Variants in PACS2 observed in about 807,000 individuals in gnomAD.
The protein encoded by PACS2 is phosphofurin acidic cluster sorting protein 2.
PACS2 carries 36 observed loss-of-function variants against 113.0 expected under a neutral mutation model. The observed-to-expected ratio is 0.32, with a 90% CI of 0.24 to 0.42. PACS2 has a LOEUF of 0.42. Ranked by LOEUF, PACS2 falls within the 10% of genes least tolerant of loss-of-function variation. The pLI, the probability that PACS2 is intolerant of heterozygous loss-of-function variation, is 1.00. For synonymous variants in PACS2, 589 were observed against 536.1 expected (o/e 1.10, Z -1.36); for missense variants, 1,015 against 1,239.5 (o/e 0.82, Z 2.72).
rs1317637168 is a variant in PACS2 at position 105,315,402 on chromosome 14, A to T, written c.119+365A>T. ...GACGAGGGTGCTTCCTCTCTCGGGT[A>T]CCACACGCTTCCTTTCGCGTTCGGC... is the stretch of plus-strand genomic sequence containing the variant. On this transcript the variant is annotated intron_variant, in intron 1 of 24. Transcript: ENST00000447393. This position sits in a 1 kb window ranked among gnomAD's most constrained non-coding sequence, Gnocchi z 4.4. The T allele has an allele frequency of 6.6e-6, 1 of 152,208 alleles. No individual in the cohort carries two copies. The highest frequency in any genetic ancestry group is 1.9e-4 in the East Asian group (1 of 5,178). 9.4% of individuals were successfully genotyped at this position (152,208 alleles called of 1,614,324 possible). A position where few individuals can be genotyped will look rare whatever the true frequency, so the allele number is the denominator to read the frequency against.
intron 1 of PACS2, among the ~76,000 whole-genome samples, chr14:105,338,737 C>T (rs147955361): frequency 9.6e-4 from 147 of 152,338 alleles, no homozygotes; most frequent in African/African-American, 3.4e-3. Flanking sequence ...AGCAGTGCCC[C>T]ATGCCACTGG....
At chr14:105,391,857 T>C in intron 22 of PACS2, 91 bp downstream of exon 22, 1 of 1,314,164 alleles carries the variant, frequency 7.6e-7, no homozygotes, top group Non-Finnish European at 1.0e-6. Context: ...CACATCCACC[T>C]CCCAGGGCAC....
chr14:105,325,218 C>T (rs1355971228), intron 1 of PACS2, among the ~76,000 whole-genome samples: 2 of 13,546 alleles, frequency 1.5e-4, no homozygotes, highest in Non-Finnish European at 2.9e-4. Flanking sequence ...TGCTGTGGCT[C>T]GGGGTGGGGT....
At chr14:105,392,018 GTC>G (rs1419309945) in intron 22 of PACS2, 5 of 537,110 alleles carry the variant, frequency 9.3e-6, no homozygotes, top group Non-Finnish European at 1.3e-5. Context: ...GTGCTGGGCT[GTC>G]TCTCAGCTCT....
At chr14:105,389,486 C>T (rs1219981194) in intron 19 of PACS2, 1 of 178,658 alleles carries the variant, frequency 5.6e-6, no homozygotes, top group African/African-American at 2.3e-5. Context: ...GGCTTTGGTG[C>T]TGCTGATTAC....
intron 12 of PACS2, among the ~76,000 whole-genome samples, chr14:105,381,311 C>G (rs2080986486): frequency 6.6e-6 from 1 of 152,210 alleles, no homozygotes; most frequent in South Asian, 2.1e-4. Flanking sequence ...AGATTCCACC[C>G]TACCTGTTTG....
intron 18 of PACS2, 103 bp downstream of exon 18, chr14:105,385,090 G>A (rs2081129918): frequency 3.9e-6 from 3 of 766,016 alleles, no homozygotes; most frequent in South Asian, 1.6e-5. Flanking sequence ...GGGCCGCAGA[G>A]CCCTGCACCG....
chr14:105,371,853 G>C (rs1555409455), intron 8 of PACS2: 1 of 152,258 alleles, frequency 6.6e-6, no homozygotes, highest in East Asian at 1.9e-4. Flanking sequence ...CAAGATCAAG[G>C]TGCCAGTAGA....
At chr14:105,344,535 A>G (rs1328115183) in intron 1 of PACS2, among the ~76,000 whole-genome samples, 1 of 152,222 alleles carries the variant, frequency 6.6e-6, no homozygotes, top group African/African-American at 2.4e-5. Flanking sequence ...GGTACATTTT[A>G]TCAAAGTAGT....
chr14:105,367,897 A>G (rs915589260), intron 5 of PACS2, among the ~76,000 whole-genome samples, 177 bp from the exon 6 acceptor site: 2 of 151,296 alleles, frequency 1.3e-5, no homozygotes, highest in Non-Finnish European at 3.0e-5. Flanking sequence ...TTGCCAGTGG[A>G]CTTGGGGGAC....
chr14:105,389,994 C>G lies in PACS2; in HGVS notation c.2067C>G (p.Pro689=). ...PDEESSQKFI[P]FVGVVKVGIV... Reference sequence around the variant, plus strand: ...AAGAGTCCTCCCAAAAGTTCATTCCCTTTGTCGGGGTGAGTACTGGCCAGC... The same window carrying G: ...AAGAGTCCTCCCAAAAGTTCATTCCGTTTGTCGGGGTGAGTACTGGCCAGC... Residue 689 remains proline (P), a synonymous_variant, in exon 20 of 25, where the codon CCC becomes CCG. Transcript: ENST00000447393. The G allele has an allele frequency of 6.2e-7, 1 of 1,613,948 alleles. No individual in the cohort carries two copies. Among genetic ancestry groups the G allele is most frequent in the Non-Finnish European group, 8.5e-7 (1 of 1,179,864 alleles).
rs952392535 is a variant in PACS2, at chr14:105,348,278, G to A, written c.120-215G>A. ...CTTCAGGAGATGGGACCTCTGGCCCGGCAGCCAACGGATGCTGAGGGGTGC... is the reference window on the plus strand; with the variant it reads ...CTTCAGGAGATGGGACCTCTGGCCCAGCAGCCAACGGATGCTGAGGGGTGC... On this transcript the variant is annotated intron_variant, in intron 1 of 24. Coordinates refer to ENST00000447393, the MANE Select transcript of PACS2 (RefSeq NM_001100913.3). The surrounding 1 kb of genome is among the most constrained non-coding windows in gnomAD (Gnocchi z 6.4). Among the ~76,000 whole-genome samples the A allele has an allele frequency of 3.3e-5, 5 of 152,286 alleles. No homozygotes were observed. The highest frequency in any genetic ancestry group is 4.8e-5 in the African/African-American group (2 of 41,564).
At chr14:105,378,629 G>A (rs1026339695) in intron 9 of PACS2, among the ~76,000 whole-genome samples, 2 of 152,192 alleles carry the variant, frequency 1.3e-5, no homozygotes, top group African/African-American at 2.4e-5. Context: ...GGCTGGTCTC[G>A]AACTGAGCTC....
intron 19 of PACS2, among the ~76,000 whole-genome samples, chr14:105,388,145 T>G (rs1458800197): frequency 6.6e-6 from 1 of 152,162 alleles, no homozygotes; most frequent in African/African-American, 2.4e-5. Flanking sequence ...TGGGGCATCT[T>G]TAATGGGATG....
At position 105,385,585 on chromosome 14, in the gene PACS2, C is replaced by A; in HGVS notation, c.2001-100C>A. The A allele has an allele frequency of 4.2e-6, 3 of 707,100 alleles. No homozygotes were observed. The South Asian group carries it at 6.2e-5, about 15-fold the overall frequency. The allele number at this position is 707,100 out of a possible 1,614,324, so 43.8% of individuals were successfully genotyped here. A position where few individuals can be genotyped will look rare whatever the true frequency, so the allele number is the denominator to read the frequency against. Reference sequence around the variant, plus strand: ...TCACGGGCTCTCCCACGCAGGAGCCCCAGTGAGATGGGAGCCACTGAGTGC... The same window carrying A: ...TCACGGGCTCTCCCACGCAGGAGCCACAGTGAGATGGGAGCCACTGAGTGC... On this transcript the variant is annotated intron_variant, in intron 18 of 24. Transcript: ENST00000447393.
rs150829260 is a variant in PACS2 at position 105,354,355 on chromosome 14, G to A, written c.298-697G>A. Among the ~76,000 whole-genome samples the A allele has an allele frequency of 2.7e-3, 409 of 152,078 alleles. 1 individual carries two copies. Among genetic ancestry groups the A allele is most frequent in the Non-Finnish European group, 4.3e-3 (295 of 68,008 alleles). ...TACCTCAGGTGATCCGCCCAGCTTG[G>A]CCTCCCAAAGTGCCGGGATTACAGG... On this transcript the variant is annotated intron_variant, in intron 3 of 24. Coordinates refer to ENST00000447393, the MANE Select transcript of PACS2 (RefSeq NM_001100913.3). This position sits in a 1 kb window ranked among gnomAD's most constrained non-coding sequence, Gnocchi z 4.2.
chr14:105,349,007 T>A (rs1327819845), intron 2 of PACS2, among the ~76,000 whole-genome samples: 2 of 152,214 alleles, frequency 1.3e-5, no homozygotes, highest in African/African-American at 2.4e-5. Flanking sequence ...CAGCCCCTGG[T>A]GCCAGGGCCT....
chr14:105,352,303 G>T lies in PACS2; in HGVS notation c.208-75G>T. 4.4e-6 allele frequency: 4 copies of T among 917,476 alleles called. No individual in the cohort carries two copies. In the East Asian group the frequency reaches 7.2e-5, roughly 17 times the overall value. The allele number at this position is 917,476 out of a possible 1,614,324, so 56.8% of individuals were successfully genotyped here. A position where few individuals can be genotyped will look rare whatever the true frequency, so the allele number is the denominator to read the frequency against. On this transcript the variant is annotated intron_variant, in intron 2 of 24. Transcript: ENST00000447393. ...CAATCCTGCCAGTTTTAGAGTGCAG[G>T]AGTCACGGTGTCTTTGCCTGGTTTC...
chr14:105,384,629 T>C (rs996931590), intron 17 of PACS2, among the ~76,000 whole-genome samples, 166 bp downstream of exon 17: 3 of 152,196 alleles, frequency 2.0e-5, no homozygotes, highest in Admixed American at 2.0e-4. Context: ...CCTATTCCCC[T>C]GAGCCTTGGA....
Sources: gnomAD v4.1 joint callset for allele counts (sites outside exome capture counted in the v4.1 genomes callset) on GRCh38, gnomAD v4.1.1 for gene constraint, Gnocchi (gnomAD v3.1) non-coding constraint, MANE v1.5 for transcripts, NCBI Gene and HGNC (gene_info 2026-07-23, HGNC 2026-07-21) for gene names.